The following ACSM2A variants were observed in gnomAD, a reference collection of about 807,000 sequenced individuals.
The protein encoded by ACSM2A is acyl-CoA synthetase medium chain family member 2A, also known as acyl-coenzyme A synthetase ACSM2A, mitochondrial.
Under a neutral mutation model 76.6 loss-of-function variants are expected in ACSM2A, and 72 were observed. The ratio of observed to expected loss-of-function variants is 0.94; its 90% CI spans 0.78 to 1.14. ACSM2A has a LOEUF of 1.14. Ranked by LOEUF, ACSM2A falls within the 50% of genes most tolerant of loss-of-function variation. The probability of loss-of-function intolerance (pLI) is 0.00; values close to 1 mark genes in which losing one functional copy is unlikely to be tolerated. For missense variants in ACSM2A, 684 were observed against 708.5 expected, an observed-to-expected ratio of 0.97 and a Z score of 0.39; for synonymous variants, 249 against 255.9, an observed-to-expected ratio of 0.97 and a Z score of 0.26.
intron 8 of ACSM2A, chr16:20,476,394 C>G: frequency 9.1e-6 from 9 of 985,782 alleles, no homozygotes; most frequent in Non-Finnish European, 1.1e-5. Context: ...CTCAGCACTT[C>G]TTGCCTCTTC....
chr16:20,471,779 A>T, intron 6 of ACSM2A, 90 bp downstream of exon 6: 5 of 1,541,862 alleles, frequency 3.2e-6, no homozygotes, highest in Non-Finnish European at 4.4e-6. Flanking sequence ...AATTCATCTA[A>T]TTTTTGCTAA....
chr16:20,466,342 G>A (rs1479904783), intron 3 of ACSM2A, among the ~76,000 whole-genome samples: 1 of 152,200 alleles, frequency 6.6e-6, no homozygotes, highest in Non-Finnish European at 1.5e-5. Context: ...TCTGCAGGAT[G>A]AGTAGGATTT....
In ACSM2A at chr16:20,474,889, T is replaced by G. The variant is rs535522995; in HGVS notation, c.895-473T>G. ...AATGTCTATAGATGTCTTTAGCTTT[T>G]CAAAGAACTTTTATATCTAAAATAT... On this transcript the variant is annotated intron_variant, in intron 6 of 13. Coordinates refer to ENST00000573854, the MANE Select transcript of ACSM2A (RefSeq NM_001308172.2). Among the ~76,000 whole-genome samples the G allele has an allele frequency of 5.3e-5, 8 of 152,350 alleles. No individual in the cohort carries two copies. The South Asian group carries it at 1.7e-3, about 32-fold the overall frequency.
intron 8 of ACSM2A, 90 bp downstream of exon 8, chr16:20,475,863 C>T (rs1464705462): frequency 6.3e-7 from 1 of 1,583,168 alleles, no homozygotes; most frequent in African/African-American, 1.4e-5. Flanking sequence ...CACCATGTAT[C>T]ATTCATCTAT....
chr16:20,462,040 T>A (rs1375691506), intron 2 of ACSM2A, among the ~76,000 whole-genome samples: 1 of 152,166 alleles, frequency 6.6e-6, no homozygotes, highest in Non-Finnish European at 1.5e-5. Context: ...GTAAAGTCAG[T>A]TCCTTGCTGT....
intron 1 of ACSM2A, among the ~76,000 whole-genome samples, chr16:20,458,914 ATAT>A (rs1228054753): frequency 3.4e-5 from 2 of 59,256 alleles, no homozygotes; most frequent in Non-Finnish European, 5.8e-5. Flanking sequence ...GCATATATAT[ATAT>A]ATATATATAT....
chr16:20,466,552 G>T (rs1442015055), intron 3 of ACSM2A, among the ~76,000 whole-genome samples: 3 of 152,218 alleles, frequency 2.0e-5, no homozygotes, highest in African/African-American at 7.2e-5. Context: ...ACCTCCCCAG[G>T]AAATCAGAGA....
Position 20,471,567 on chromosome 16 carries a change from T to G in ACSM2A, c.772T>G (p.Trp258Gly). 1 of 1,614,014 alleles carries G rather than the reference T, an allele frequency of 6.2e-7. No homozygotes were observed. The change falls in exon 6 of 14, where the codon TGG becomes GGG. Residue 258 changes from tryptophan to glycine, a missense_variant. Transcript: ENST00000573854. ...AGGCCTGCAAGCCTCTGATATAATG[T>G]GGACCATATCAGACACAGGTTGGAT... ...WTGLQASDIM[W>G]TISDTGWILN...
At chr16:20,481,061 T>C (rs1440538379) in intron 12 of ACSM2A, 140 bp downstream of exon 12, 6 of 1,096,500 alleles carry the variant, frequency 5.5e-6, no homozygotes, top group African/African-American at 1.6e-5. Flanking sequence ...TATGTGACCT[T>C]GGGCAAGCTA....
At chr16:20,482,170 G>C (rs1410667174) in intron 12 of ACSM2A, 1 of 143,244 alleles carries the variant, frequency 7.0e-6, no homozygotes, top group Non-Finnish European at 1.5e-5. Context: ...GAAAAAAAAA[G>C]AAAAAAAGAA....
chr16:20,477,516 C>G, intron 9 of ACSM2A, 67 bp downstream of exon 9: 2 of 1,539,696 alleles, frequency 1.3e-6, no homozygotes, highest in Non-Finnish European at 1.8e-6. Context: ...TTTATGTTTT[C>G]CATTGTTTAT....
Position 20,477,189 on chromosome 16 carries a change from A to T in ACSM2A, c.1099-180A>T. On this transcript the variant is annotated intron_variant, in intron 8 of 13. Transcript: ENST00000573854. ...GCTTCCTGAACTAACAATTTAGCGA[A>T]GCCCCTAGGATTGTGGTTCCAGTAA... is the stretch of plus-strand genomic sequence containing the variant. 5 of 1,138,076 alleles carry T rather than the reference A, an allele frequency of 4.4e-6. No homozygotes were observed. The African/African-American group carries it at 7.8e-5, about 18-fold the overall frequency. The allele number at this position is 1,138,076 out of a possible 1,614,324, so 70.5% of individuals were successfully genotyped here.
At chr16:20,451,956 T>C (rs372050742) in intron 1 of ACSM2A, 183 of 146,198 alleles carry the variant, frequency 1.3e-3, no homozygotes, top group African/African-American at 3.4e-3. Context: ...AGGATGAATC[T>C]CAGAGGAGGT....
At chr16:20,478,018 G>C (rs1447032591) in intron 9 of ACSM2A, among the ~76,000 whole-genome samples, 1 of 152,134 alleles carries the variant, frequency 6.6e-6, no homozygotes, top group Non-Finnish European at 1.5e-5. Flanking sequence ...TATGTGTATA[G>C]TTCTGTATAT....
At chr16:20,478,739 A>C in intron 10 of ACSM2A, 62 bp downstream of exon 10, 1 of 1,537,904 alleles carries the variant, frequency 6.5e-7, no homozygotes, top group South Asian at 1.2e-5. Context: ...AAACGGGATG[A>C]GGGAGGACAA....
intron 4 of ACSM2A, among the ~76,000 whole-genome samples, chr16:20,470,159 C>T (rs969126189): frequency 4.6e-5 from 7 of 152,014 alleles, no homozygotes; most frequent in African/African-American, 1.7e-4. Flanking sequence ...TTGTGATGCA[C>T]ACTGGAAACA....
At position 20,480,715 on chromosome 16, in the gene ACSM2A, T is replaced by C. The variant is rs1056239366; in HGVS notation, c.1409+15T>C. The C allele has an allele frequency of 1.2e-6, 2 of 1,600,728 alleles. No homozygotes were observed. The highest frequency in any genetic ancestry group is 1.3e-5 in the African/African-American group (1 of 74,562). The stretch of plus-strand genomic sequence containing the variant: ...AACTCCAGCGGGTGAGCTTGGTTTC[T>C]GGGTTGGGAAGGGAAATCTGGGTCT... On this transcript the variant is annotated intron_variant, in intron 11 of 13. Transcript: ENST00000573854.
rs559246476 is a variant in ACSM2A, at chr16:20,468,687, T to G, written c.389-825T>G. Among the ~76,000 whole-genome samples the G allele has an allele frequency of 5.9e-5, 9 of 152,306 alleles. No individual in the cohort carries two copies. The South Asian group carries it at 1.9e-3, about 32-fold the overall frequency. ...AAGTCTAGTTATTCTACAGAATATT[T>G]TAATAATCAAAGGAGTCTCATTAAA... On this transcript the variant is annotated intron_variant, in intron 3 of 13. Coordinates refer to ENST00000573854, the MANE Select transcript of ACSM2A (RefSeq NM_001308172.2).
At chr16:20,464,724 C>A (rs577800201) in intron 2 of ACSM2A, among the ~76,000 whole-genome samples, 1 of 152,030 alleles carries the variant, frequency 6.6e-6, no homozygotes, top group Non-Finnish European at 1.5e-5. Context: ...TATCATGTAT[C>A]TAGAATAGTC....
Sources: allele counts gnomAD v4.1 joint callset (sites outside exome capture counted in the v4.1 genomes callset), GRCh38; gene constraint gnomAD v4.1.1; transcripts MANE v1.5; gene names NCBI Gene and HGNC (gene_info 2026-07-23, HGNC 2026-07-21).